SLU7: variants seen among roughly 807,000 people sequenced by gnomAD.
The protein encoded by SLU7 is spliceosome associated SLU7, also known as pre-mRNA-splicing factor SLU7.
Under a neutral mutation model 87.0 loss-of-function variants are expected in SLU7, and 60 were observed. The observed-to-expected ratio is 0.69, with a 90% CI of 0.56 to 0.86. The LOEUF is 0.86. Ranked by LOEUF, SLU7 falls within the 40% of genes least tolerant of loss-of-function variation. The pLI is 0.00. For synonymous variants in SLU7, 197 were observed against 222.0 expected (o/e 0.89, Z 1.00); for missense variants, 507 against 686.6 (o/e 0.74, Z 2.92).
rs896940339 is a variant in SLU7 at position 160,404,523 on chromosome 5, T to G, written c.1498A>C (p.Lys500Gln). The G allele has an allele frequency of 3.1e-6, 5 of 1,610,032 alleles. No individual in the cohort carries two copies. The African/African-American group carries it at 6.7e-5, about 22-fold the overall frequency. Residue 500 changes from lysine (K) to glutamine (Q), a missense_variant, in exon 15 of 16, where the codon AAG becomes CAG. By Grantham distance (53) the Lys-to-Gln change is moderately conservative. Coordinates refer to ENST00000297151, the MANE Select transcript of SLU7 (RefSeq NM_006425.5). ...HQEKLKEEKK[K>Q]KKKKKKKHRK... is the part of the protein sequence containing the mutation. Reference sequence around the variant, plus strand: ...TGCTTCTTCTTTTTCTTTTTCTTCTTCTTCTTTTCCTCTTTCAGTTTTTCT... The same window carrying G: ...TGCTTCTTCTTTTTCTTTTTCTTCTGCTTCTTTTCCTCTTTCAGTTTTTCT...
intron 14 of SLU7, 92 bp from the exon 15 acceptor site, chr5:160,404,648 C>G (rs1025260760): frequency 9.2e-6 from 9 of 978,306 alleles, no homozygotes; most frequent in Non-Finnish European, 1.4e-5. Flanking sequence ...ATCACTTGAA[C>G]CCAGGAGGCG....
intron 6 of SLU7, among the ~76,000 whole-genome samples, chr5:160,409,940 G>T (rs1488861477): frequency 6.6e-6 from 1 of 152,198 alleles, no homozygotes; most frequent in Admixed American, 6.5e-5. Context: ...GATAGAAACA[G>T]GGGTGGAGAG....
At chr5:160,406,830 T>C (rs1480646728) in intron 11 of SLU7, among the ~76,000 whole-genome samples, 2 of 152,232 alleles carry the variant, frequency 1.3e-5, no homozygotes, top group Non-Finnish European at 1.5e-5. Flanking sequence ...ATCTGTTGAG[T>C]ACAGTAAGTT....
intron 11 of SLU7, among the ~76,000 whole-genome samples, chr5:160,406,888 C>T (rs1260820932): frequency 1.3e-5 from 2 of 152,188 alleles, no homozygotes; most frequent in Non-Finnish European, 2.9e-5. Flanking sequence ...TGCCCTTTTG[C>T]CACAGGGCTT....
chr5:160,418,120 A>G (rs1581078897), intron 1 of SLU7, among the ~76,000 whole-genome samples: 1 of 152,210 alleles, frequency 6.6e-6, no homozygotes, highest in Non-Finnish European at 1.5e-5. Context: ...ACCTCCACAT[A>G]TATTTGTGTA....
Position 160,407,911 on chromosome 5 carries a change from G to A in SLU7, c.917+60C>T. 6.8e-7 allele frequency: 1 copy of A among 1,471,708 alleles called. No individual in the cohort carries two copies. Among genetic ancestry groups the A allele is most frequent in the Non-Finnish European group, 9.5e-7 (1 of 1,051,546 alleles). The allele number at this position is 1,471,708 out of a possible 1,614,324, so 91.2% of individuals were successfully genotyped here. On this transcript the variant is annotated intron_variant, in intron 9 of 15. Coordinates refer to ENST00000297151, the MANE Select transcript of SLU7 (RefSeq NM_006425.5). The surrounding 1 kb of genome is among the most constrained non-coding windows in gnomAD (Gnocchi z 4.2). ...TTAAAATGAACACCATCTATGGTCA[G>A]GTCAGAAAACAATTAACTTTCTCTC...
At chr5:160,414,103 C>A (rs1765355870) in intron 3 of SLU7, 124 bp from the exon 4 acceptor site, 1 of 693,092 alleles carries the variant, frequency 1.4e-6, no homozygotes, top group Non-Finnish European at 2.3e-6. Flanking sequence ...AAGTTAGAGT[C>A]TCCACACATT....
chr5:160,405,466 T>C (rs1764968717), intron 12 of SLU7, among the ~76,000 whole-genome samples: 1 of 152,244 alleles, frequency 6.6e-6, no homozygotes, highest in South Asian at 2.1e-4. Context: ...GGATGCCCCA[T>C]TAGATAGGGC....
chr5:160,408,556 G>A (rs1581065183), intron 7 of SLU7, 94 bp downstream of exon 7: 1 of 1,436,432 alleles, frequency 7.0e-7, no homozygotes. Flanking sequence ...TTATTTACTT[G>A]TGTTCTTTAA....
chr5:160,406,691 G>A, intron 11 of SLU7, 62 bp from the exon 12 acceptor site: 2 of 1,229,824 alleles, frequency 1.6e-6, no homozygotes, highest in Non-Finnish European at 2.3e-6. Context: ...TAAATTTCCA[G>A]AAAACATTTA....
intron 11 of SLU7, 149 bp from the exon 12 acceptor site, chr5:160,406,778 A>C: frequency 1.6e-6 from 1 of 638,142 alleles, no homozygotes; most frequent in Non-Finnish European, 2.5e-6. Flanking sequence ...AAAAGCCACA[A>C]ATTTTTTCTG....
Position 160,407,867 on chromosome 5 carries a change from T to A in SLU7, c.918-54A>T. ...AGAGATTGATTTAAGGAAAATTAAT[T>A]CGTAAAACTGAATCTGAATTAAAAT... On this transcript the variant is annotated intron_variant, in intron 9 of 15. Coordinates refer to ENST00000297151, the MANE Select transcript of SLU7 (RefSeq NM_006425.5). The surrounding 1 kb of genome is among the most constrained non-coding windows in gnomAD (Gnocchi z 4.2). 6.6e-7 allele frequency: 1 copy of A among 1,510,380 alleles called. No homozygotes were observed. The highest frequency in any genetic ancestry group is 9.2e-7 in the Non-Finnish European group (1 of 1,088,494). The allele number at this position is 1,510,380 out of a possible 1,614,324, so 93.6% of individuals were successfully genotyped here.
chr5:160,405,966 G>A (rs763607690), intron 12 of SLU7, among the ~76,000 whole-genome samples: 2 of 152,152 alleles, frequency 1.3e-5, no homozygotes, highest in Non-Finnish European at 2.9e-5. Context: ...GCATTTTTCT[G>A]TATATTTTGG....
At chr5:160,414,575 T>G in intron 2 of SLU7, 103 bp from the exon 3 acceptor site, 3 of 649,858 alleles carry the variant, frequency 4.6e-6, no homozygotes, top group Non-Finnish European at 4.9e-6. Context: ...AACAGAAATA[T>G]TGCAGTGGTA....
At position 160,408,091 on chromosome 5, in the gene SLU7, GAATT is replaced by G. The variant is rs1449117894; in HGVS notation, c.820-27_820-24del. On this transcript the variant is annotated intron_variant, in intron 8 of 15. Transcript: ENST00000297151. ...ATACTAGAAGAAAAAAATATTTAAA[GAATT>G]AATGTTTACTCACAGCAAAAAGATT... 2.7e-6 allele frequency: 4 copies of G among 1,508,976 alleles called. No homozygotes were observed. In the South Asian group the frequency reaches 3.4e-5, roughly 13 times the overall value. 93.5% of individuals were successfully genotyped at this position (1,508,976 alleles called of 1,614,324 possible).
intron 12 of SLU7, chr5:160,406,214 G>T (rs993577754): frequency 3.4e-6 from 1 of 295,352 alleles, no homozygotes; most frequent in Non-Finnish European, 6.2e-6. Context: ...CTGTGCATAT[G>T]CACACATACA....
At chr5:160,411,066 C>T (rs932284711) in intron 6 of SLU7, among the ~76,000 whole-genome samples, 2 of 152,096 alleles carry the variant, frequency 1.3e-5, no homozygotes, top group African/African-American at 2.4e-5. Context: ...CGGGGTTTCA[C>T]CGTGTTAGCC....
intron 1 of SLU7, among the ~76,000 whole-genome samples, chr5:160,415,668 T>C: frequency 6.6e-6 from 1 of 152,178 alleles, no homozygotes; most frequent in East Asian, 1.9e-4. Context: ...AGAATGAATA[T>C]CTCAAGAGTT....
At chr5:160,406,372 G>A in intron 12 of SLU7, 96 bp downstream of exon 12, 2 of 852,034 alleles carry the variant, frequency 2.3e-6, no homozygotes, top group South Asian at 6.5e-5. Flanking sequence ...TTAAAGCATA[G>A]AGAATACAAA....
Sources: gnomAD v4.1 joint callset for allele counts (sites outside exome capture counted in the v4.1 genomes callset) on GRCh38, gnomAD v4.1.1 for gene constraint, Gnocchi (gnomAD v3.1) non-coding constraint, MANE v1.5 for transcripts, NCBI Gene and HGNC (gene_info 2026-07-23, HGNC 2026-07-21) for gene names.